The following PTPRD variants were observed in gnomAD, a reference collection of about 807,000 sequenced individuals.
PTPRD encodes protein tyrosine phosphatase receptor type D.
A neutral mutation model predicts 214.5 loss-of-function variants in PTPRD; 34 were observed. The ratio of observed to expected loss-of-function variants is 0.16; its 90% CI spans 0.12 to 0.21. The LOEUF is 0.21. PTPRD is among the 10% of genes least tolerant of loss of function. The probability of loss-of-function intolerance (pLI) is 1.00; values close to 1 mark genes in which losing one functional copy is unlikely to be tolerated. For synonymous variants in PTPRD, 1,128 were observed against 845.7 expected, an observed-to-expected ratio of 1.33 and a Z score of -5.79; for missense variants, 2,545 against 2,398.7, an observed-to-expected ratio of 1.06 and a Z score of -1.27.
At chr9:9,954,305 A>C (rs1413431460) in intron 4 of PTPRD, among the ~76,000 whole-genome samples, 2 of 146,134 alleles carry the variant, frequency 1.4e-5, no homozygotes, top group Non-Finnish European at 3.0e-5. Context: ...AACAAAAAAA[A>C]AAAAAAAAAA....
At chr9:8,422,792 A>G (rs796216069) in intron 35 of PTPRD, among the ~76,000 whole-genome samples, 4 of 152,350 alleles carry the variant, frequency 2.6e-5, no homozygotes, top group African/African-American at 9.6e-5. Flanking sequence ...TCTAACACTT[A>G]GACTGAAAAT....
intron 11 of PTPRD, among the ~76,000 whole-genome samples, chr9:8,891,401 G>T (rs1447832155): frequency 1.3e-5 from 2 of 151,602 alleles, no homozygotes; most frequent in Non-Finnish European, 2.9e-5. Flanking sequence ...CAAAGTGCTG[G>T]GATTACAGGC....
At chr9:9,665,378 T>C (rs540902723) in intron 7 of PTPRD, among the ~76,000 whole-genome samples, 16 of 151,854 alleles carry the variant, frequency 1.1e-4, no homozygotes, top group Admixed American at 2.0e-4. Context: ...AGAGTATTTT[T>C]AAAGGACAAA....
intron 3 of PTPRD, among the ~76,000 whole-genome samples, chr9:10,293,992 A>G (rs1175491403): frequency 6.6e-6 from 1 of 151,946 alleles, no homozygotes; most frequent in African/African-American, 2.4e-5. Flanking sequence ...ATTTTCACTG[A>G]TTTTCCATTA....
At chr9:9,949,529 GATTT>G (rs2093212846) in intron 4 of PTPRD, among the ~76,000 whole-genome samples, 1 of 152,064 alleles carries the variant, frequency 6.6e-6, no homozygotes, top group African/African-American at 2.4e-5. Context: ...GGGAGTTAAT[GATTT>G]ATTTTCCCAG....
intron 6 of PTPRD, among the ~76,000 whole-genome samples, chr9:9,736,491 A>C (rs550305944): frequency 1.3e-5 from 2 of 152,202 alleles, no homozygotes; most frequent in Admixed American, 6.5e-5. Context: ...ACCCTACCAT[A>C]AGCATCCTTT....
rs1385025414 is a variant in PTPRD, at chr9:8,733,917, C to T, written c.-74G>A. On this transcript the variant is annotated 5_prime_UTR_variant, in exon 12 of 46. Coordinates refer to ENST00000381196, the MANE Select transcript of PTPRD (RefSeq NM_002839.4). ...CGGAGCCGCAGCGAGTCTGTCCGAT[C>T]TGAAATTTCAGCTGGAACACTTTCA... 5 of 1,458,064 alleles carry T rather than the reference C, an allele frequency of 3.4e-6. No homozygotes were observed. The highest frequency in any genetic ancestry group is 3.7e-6 in the Non-Finnish European group (4 of 1,070,890). The allele number at this position is 1,458,064 out of a possible 1,614,324, so 90.3% of individuals were successfully genotyped here.
intron 7 of PTPRD, among the ~76,000 whole-genome samples, chr9:9,672,212 A>C (rs778655441): frequency 9.2e-5 from 14 of 152,220 alleles, no homozygotes; most frequent in Non-Finnish European, 1.5e-4. Context: ...TTAAAACCAC[A>C]ATATAATTTT....
intron 9 of PTPRD, among the ~76,000 whole-genome samples, chr9:9,354,489 C>T (rs1383981230): frequency 1.3e-5 from 2 of 150,974 alleles, no homozygotes; most frequent in Non-Finnish European, 2.9e-5. Flanking sequence ...CTTTACAATT[C>T]AATAACTTTT....
chr9:9,336,210 A>G (rs964643548), intron 9 of PTPRD, among the ~76,000 whole-genome samples: 14 of 149,442 alleles, frequency 9.4e-5, no homozygotes, highest in Admixed American at 6.6e-4. Context: ...TTCCTCATGT[A>G]TCTTCCTCCA....
chr9:9,957,757 G>A (rs2094044801), intron 4 of PTPRD, among the ~76,000 whole-genome samples: 1 of 152,046 alleles, frequency 6.6e-6, no homozygotes, highest in Admixed American at 6.6e-5. Context: ...AATAAAGTTG[G>A]AAGACTGTCA....
intron 2 of PTPRD, among the ~76,000 whole-genome samples, chr9:10,545,691 GA>G (rs1185068347): frequency 2.0e-5 from 3 of 152,038 alleles, no homozygotes; most frequent in Non-Finnish European, 4.4e-5. Context: ...ATAAATAAAG[GA>G]AAAACAGTTC....
chr9:9,013,147 T>C (rs1221220759), intron 11 of PTPRD, among the ~76,000 whole-genome samples: 3 of 152,104 alleles, frequency 2.0e-5, no homozygotes, highest in Non-Finnish European at 4.4e-5. Context: ...TATTTTTTTT[T>C]CTGTTTTTTG....
At chr9:10,004,837 G>C (rs1205794796) in intron 4 of PTPRD, among the ~76,000 whole-genome samples, 1 of 152,096 alleles carries the variant, frequency 6.6e-6, no homozygotes, top group African/African-American at 2.4e-5. Flanking sequence ...GTCACACTGA[G>C]ATTTAGTTCT....
intron 3 of PTPRD, among the ~76,000 whole-genome samples, chr9:10,169,584 A>C (rs749947797): frequency 1.3e-5 from 2 of 152,096 alleles, no homozygotes; most frequent in Non-Finnish European, 2.9e-5. Context: ...AAAAATTATA[A>C]AATAGGTCAA....
chr9:10,561,103 C>T (rs1207906492), intron 2 of PTPRD, among the ~76,000 whole-genome samples: 1 of 152,098 alleles, frequency 6.6e-6, no homozygotes. Context: ...GCAAAAATGA[C>T]AACCAACAGT....
intron 2 of PTPRD, among the ~76,000 whole-genome samples, chr9:10,357,949 A>C (rs904357158): frequency 1.1e-4 from 17 of 152,188 alleles, no homozygotes; most frequent in Non-Finnish European, 1.8e-4. Context: ...AGCTAAAGCA[A>C]TATTGACCAA....
intron 5 of PTPRD, among the ~76,000 whole-genome samples, chr9:9,786,021 T>G (rs2154493001): frequency 6.6e-6 from 1 of 152,290 alleles, no homozygotes; most frequent in Non-Finnish European, 1.5e-5. Flanking sequence ...TGGTTTTTTC[T>G]CCAAATACAA....
intron 7 of PTPRD, among the ~76,000 whole-genome samples, chr9:9,575,912 CAAGAA>C (rs2088558895): frequency 1.3e-5 from 2 of 151,830 alleles, no homozygotes; most frequent in Admixed American, 6.6e-5. Flanking sequence ...TTTATATGAA[CAAGAA>C]AAGAAAACTA....
Sources: allele counts gnomAD v4.1 joint callset (sites outside exome capture counted in the v4.1 genomes callset), GRCh38; gene constraint gnomAD v4.1.1; transcripts MANE v1.5; gene names NCBI Gene and HGNC (gene_info 2026-07-23, HGNC 2026-07-21).